Variants in ARHGAP28 observed in about 807,000 individuals in gnomAD.
ARHGAP28 encodes Rho GTPase activating protein 28.
Under a neutral mutation model 90.7 loss-of-function variants are expected in ARHGAP28, and 56 were observed. The ratio of observed to expected loss-of-function variants is 0.62; its 90% CI spans 0.50 to 0.77. The LOEUF (loss-of-function observed/expected upper bound fraction) is 0.77. Among genes scored for constraint, ARHGAP28 ranks in the 30% least tolerant of loss-of-function variants. The pLI is 0.00. For synonymous variants in ARHGAP28, 308 were observed against 323.3 expected (o/e 0.95, Z 0.51); for missense variants, 869 against 900.9 (o/e 0.96, Z 0.45).
At chr18:6,907,501 G>T (rs2057370536) in intron 16 of ARHGAP28, among the ~76,000 whole-genome samples, 1 of 152,118 alleles carries the variant, frequency 6.6e-6, no homozygotes, top group African/African-American at 2.4e-5. Context: ...AGCAACTTGG[G>T]TAGATCTCTA....
intron 1 of ARHGAP28, among the ~76,000 whole-genome samples, chr18:6,780,849 G>A (rs981028174): frequency 1.0e-4 from 15 of 147,532 alleles, no homozygotes; most frequent in Non-Finnish European, 2.1e-4. Flanking sequence ...CCGAGATCAC[G>A]CCATTTGCAC....
intron 1 of ARHGAP28, among the ~76,000 whole-genome samples, chr18:6,767,693 G>A (rs2056210043): frequency 6.6e-6 from 1 of 151,940 alleles, no homozygotes; most frequent in Non-Finnish European, 1.5e-5. Context: ...TCTTATCTTT[G>A]TTCTTCTGTA....
intron 2 of ARHGAP28, among the ~76,000 whole-genome samples, chr18:6,831,962 G>A (rs1278331243): frequency 6.6e-6 from 1 of 152,010 alleles, no homozygotes; most frequent in Non-Finnish European, 1.5e-5. Context: ...TTTCTAGTAT[G>A]TTGGTTCTTT....
intron 2 of ARHGAP28, among the ~76,000 whole-genome samples, chr18:6,833,425 CTCTT>C (rs1015024726): frequency 3.3e-5 from 5 of 152,010 alleles, no homozygotes; most frequent in African/African-American, 1.2e-4. Flanking sequence ...AAACGTGTTT[CTCTT>C]TCTTCTCTCT....
chr18:6,774,612 C>T (rs1158511964), intron 1 of ARHGAP28, among the ~76,000 whole-genome samples: 2 of 152,120 alleles, frequency 1.3e-5, no homozygotes, highest in Non-Finnish European at 2.9e-5. Context: ...TTAAACTAAC[C>T]CAATCTTTCC....
chr18:6,730,707 G>T (rs117618621), intron 1 of ARHGAP28, among the ~76,000 whole-genome samples: 1 of 152,140 alleles, frequency 6.6e-6, no homozygotes. Flanking sequence ...CGTTTAAGTG[G>T]GTAGACAAAA....
chr18:6,908,936 A>G (rs1323301161), intron 16 of ARHGAP28, 24 bp from the exon 17 acceptor site: 4 of 1,388,380 alleles, frequency 2.9e-6, no homozygotes, highest in Non-Finnish European at 4.1e-6. Flanking sequence ...TACTAAAATT[A>G]TATTATTTTC....
At chr18:6,892,548 T>C (rs1006740498) in intron 14 of ARHGAP28, among the ~76,000 whole-genome samples, 1 of 151,986 alleles carries the variant, frequency 6.6e-6, no homozygotes, top group African/African-American at 2.4e-5. Context: ...TTTCCTTGAC[T>C]TTTTTTTACC....
intron 3 of ARHGAP28, among the ~76,000 whole-genome samples, chr18:6,842,713 T>C (rs2056836904): frequency 1.3e-5 from 2 of 152,102 alleles, no homozygotes; most frequent in Non-Finnish European, 1.5e-5. Flanking sequence ...TATGGTCCTC[T>C]TTTCTCCCAG....
At chr18:6,737,624 G>A (rs2055939860) in intron 1 of ARHGAP28, among the ~76,000 whole-genome samples, 1 of 151,970 alleles carries the variant, frequency 6.6e-6, no homozygotes, top group South Asian at 2.1e-4. Context: ...TAGCTTGTTT[G>A]CTTTTTGTCT....
rs140475092 is a variant in ARHGAP28, at chr18:6,900,082, C to G, written c.2030+3456C>G. Among the ~76,000 whole-genome samples the G allele has an allele frequency of 3.2e-4, 48 of 152,244 alleles. No individual in the cohort carries two copies. In the East Asian group the frequency reaches 9.1e-3, roughly 29 times the overall value. On this transcript the variant is annotated intron_variant, in intron 16 of 17. Transcript: ENST00000383472. Reference sequence around the variant, plus strand: ...CCCAGGAGGGAGCTGATCTTACACTCCCAATTGGAGACAATGAGGCAGAGC... The same window carrying G: ...CCCAGGAGGGAGCTGATCTTACACTGCCAATTGGAGACAATGAGGCAGAGC...
intron 1 of ARHGAP28, among the ~76,000 whole-genome samples, chr18:6,780,880 C>G (rs982807752): frequency 7.2e-5 from 10 of 139,840 alleles, no homozygotes; most frequent in Admixed American, 5.8e-4. Context: ...GCAACAAGAG[C>G]AAAACTCCGT....
At chr18:6,757,436 A>T (rs560865528) in intron 1 of ARHGAP28, among the ~76,000 whole-genome samples, 1 of 152,224 alleles carries the variant, frequency 6.6e-6, no homozygotes, top group Admixed American at 6.5e-5. Flanking sequence ...CCAGCTTTAC[A>T]TATTGAAAGG....
Position 6,868,248 on chromosome 18 carries a change from C to T in ARHGAP28, c.811+14C>T, listed in dbSNP as rs2057053984. 1 of 1,611,450 alleles carries T rather than the reference C, an allele frequency of 6.2e-7. No individual in the cohort carries two copies. The highest frequency in any genetic ancestry group is 8.5e-7 in the Non-Finnish European group (1 of 1,177,654). ...ATGCGATAAGTGGTGAGCGGCATGC[C>T]TCCTGTTGAACTTCAGCTGTGTCTT... On this transcript the variant is annotated intron_variant, in intron 6 of 17. Transcript: ENST00000383472.
chr18:6,795,296 G>T (rs1374260818), intron 1 of ARHGAP28, among the ~76,000 whole-genome samples: 2 of 152,182 alleles, frequency 1.3e-5, no homozygotes, highest in East Asian at 3.9e-4. Context: ...CGAGAAAGAA[G>T]AGTGCTCCAG....
chr18:6,905,640 T>C (rs1382666073), intron 16 of ARHGAP28, among the ~76,000 whole-genome samples: 2 of 152,076 alleles, frequency 1.3e-5, no homozygotes, highest in Non-Finnish European at 2.9e-5. Context: ...TATCTACATA[T>C]AAAATTTCAC....
At chr18:6,790,057 T>A (rs1258950145) in intron 1 of ARHGAP28, 4 of 152,216 alleles carry the variant, frequency 2.6e-5, no homozygotes, top group Admixed American at 6.5e-5. Context: ...CAGGCTGGTC[T>A]CAAACTCCTG....
intron 1 of ARHGAP28, among the ~76,000 whole-genome samples, chr18:6,750,408 C>A (rs1485803401): frequency 1.3e-5 from 2 of 152,204 alleles, no homozygotes; most frequent in Non-Finnish European, 2.9e-5. Context: ...TCTATACATC[C>A]TACTTCCTTT....
intron 3 of ARHGAP28, among the ~76,000 whole-genome samples, chr18:6,839,544 G>A (rs532679329): frequency 3.9e-5 from 6 of 152,080 alleles, no homozygotes; most frequent in Non-Finnish European, 7.4e-5. Context: ...TGATCCGCCT[G>A]CCTCGGCCTC....
Sources: gnomAD v4.1 joint callset for allele counts (sites outside exome capture counted in the v4.1 genomes callset) on GRCh38, gnomAD v4.1.1 for gene constraint, MANE v1.5 for transcripts, NCBI Gene and HGNC (gene_info 2026-07-23, HGNC 2026-07-21) for gene names.